Variants in RAB11FIP1 observed in about 807,000 individuals in gnomAD.
The protein encoded by RAB11FIP1 is rab11 family-interacting protein 1.
Under a neutral mutation model 83.1 loss-of-function variants are expected in RAB11FIP1, and 49 were observed. That is an observed-to-expected ratio of 0.59 (90% CI 0.47 to 0.75). The LOEUF is 0.75. Among genes scored for constraint, RAB11FIP1 ranks in the 30% least tolerant of loss-of-function variants. RAB11FIP1 has a pLI of 0.00. For synonymous variants in RAB11FIP1, 670 were observed against 656.0 expected, an observed-to-expected ratio of 1.02 and a Z score of -0.33; for missense variants, 1,536 against 1,598.7, an observed-to-expected ratio of 0.96 and a Z score of 0.67.
rs1164478325 is a variant in RAB11FIP1, at chr8:37,861,575, A to G, written c.*1320T>C. On this transcript the variant is annotated 3_prime_UTR_variant, in exon 6 of 6. Coordinates refer to ENST00000330843, the MANE Select transcript of RAB11FIP1 (RefSeq NM_001002814.3). ...TTCTTTTTAGTTTTTTTTAAGACAG[A>G]GTCTTAAAAAAATTGCCCAGGCTCT... 5 of 443,304 alleles carry G rather than the reference A, an allele frequency of 1.1e-5. No individual in the cohort carries two copies. The highest frequency in any genetic ancestry group is 4.3e-4 in the Middle Eastern group (1 of 2,350). The allele number at this position is 443,304 out of a possible 1,614,324, so 27.5% of individuals were successfully genotyped here. A position where few individuals can be genotyped will look rare whatever the true frequency, so the allele number is the denominator to read the frequency against.
intron 1 of RAB11FIP1, 103 bp from the exon 2 acceptor site, chr8:37,877,654 T>A: frequency 1.5e-6 from 1 of 688,914 alleles, no homozygotes; most frequent in Non-Finnish European, 2.5e-6. Context: ...CAGCAGCCTC[T>A]TCAATGCATG....
chr8:37,871,850 A>T lies in RAB11FIP1; in HGVS notation c.2952T>A (p.Asp984Glu). 6.2e-7 allele frequency: 1 copy of T among 1,613,938 alleles called. No homozygotes were observed. The highest frequency in any genetic ancestry group is 8.5e-7 in the Non-Finnish European group (1 of 1,179,978). Residue 984 changes from aspartate to glutamate, a missense_variant, in exon 4 of 6, where the codon GAT (aspartate) becomes GAA (glutamate). Physicochemically the swap from Asp to Glu is conservative, Grantham distance 45. Coordinates refer to ENST00000330843, the MANE Select transcript of RAB11FIP1 (RefSeq NM_001002814.3). The stretch of plus-strand genomic sequence containing the variant: ...TTGACGACTTTGCTGTCTCTCCATC[A>T]TCTTCAACCTGATCTCCGTCATCTT... ...QVEDDGDQVE[D>E]DGETAKSSTL...
In RAB11FIP1 at chr8:37,876,704, G is replaced by A. The variant is rs558290769; in HGVS notation, c.814+405C>T. 2.1e-4 allele frequency among the ~76,000 whole-genome samples: 31 copies of A among 151,178 alleles called. 1 individual carries two copies. In the South Asian group the frequency reaches 6.1e-3, roughly 30 times the overall value. ...CACCCAGGCTGGAGTGCAGTGGCACGATCACAGCTTACTGCAGCCTCTACT... is the reference window on the plus strand; with the variant it reads ...CACCCAGGCTGGAGTGCAGTGGCACAATCACAGCTTACTGCAGCCTCTACT... On this transcript the variant is annotated intron_variant, in intron 2 of 5. Transcript: ENST00000330843.
chr8:37,883,413 G>T (rs1053040362), intron 1 of RAB11FIP1, among the ~76,000 whole-genome samples: 1 of 152,068 alleles, frequency 6.6e-6, no homozygotes, highest in African/African-American at 2.4e-5. Flanking sequence ...CAGGTGATCC[G>T]CCTGCCTCAG....
At chr8:37,875,512 C>T (rs902466459) in intron 2 of RAB11FIP1, among the ~76,000 whole-genome samples, 190 bp from the exon 3 acceptor site, 13 of 152,096 alleles carry the variant, frequency 8.5e-5, no homozygotes, top group South Asian at 4.1e-4. Flanking sequence ...CAGCCCCCCA[C>T]GACAAAGGCC....
chr8:37,871,951 T>A lies in RAB11FIP1; in HGVS notation c.2851A>T (p.Ile951Phe), dbSNP rs756794766. The A allele has an allele frequency of 6.2e-7, 1 of 1,614,192 alleles. No homozygotes were observed. Among genetic ancestry groups the A allele is most frequent in the Non-Finnish European group, 8.5e-7 (1 of 1,180,020 alleles). The change falls in exon 4 of 6, where the codon ATC (isoleucine) becomes TTC (phenylalanine). Residue 951 changes from isoleucine (I) to phenylalanine (F), a missense_variant. Ile to Phe is a conservative substitution (Grantham distance 21). Transcript: ENST00000330843. ...AGGCTTAAGTTCAGATCGGCCATGATTGGAGATTTAAAATCTGAGACCAAC... is the reference window on the plus strand; with the variant it reads ...AGGCTTAAGTTCAGATCGGCCATGAATGGAGATTTAAAATCTGAGACCAAC... Reference protein sequence around the residue: ...LQLVSDFKSPIMADLNLSLPS... With the variant: ...LQLVSDFKSPFMADLNLSLPS...
chr8:37,869,777 G>C (rs1806413561), intron 5 of RAB11FIP1, among the ~76,000 whole-genome samples: 2 of 152,326 alleles, frequency 1.3e-5, no homozygotes, highest in East Asian at 3.9e-4. Flanking sequence ...AGGAAGCAGA[G>C]AGGATGAGAC....
At chr8:37,882,095 C>A (rs1489055986) in intron 1 of RAB11FIP1, among the ~76,000 whole-genome samples, 1 of 152,178 alleles carries the variant, frequency 6.6e-6, no homozygotes, top group Non-Finnish European at 1.5e-5. Flanking sequence ...TTCACCTCCC[C>A]GCCCAGGGCA....
rs1241598236 is a variant in RAB11FIP1 at position 37,872,041 on chromosome 8, T to A, written c.2761A>T (p.Thr921Ser). The A allele has an allele frequency of 2.5e-6, 4 of 1,613,920 alleles. No individual in the cohort carries two copies. The highest frequency in any genetic ancestry group is 2.2e-5 in the South Asian group (2 of 91,080). Residue 921 changes from threonine (T) to serine (S), a missense_variant, in exon 4 of 6, where the codon ACT (threonine) becomes TCT (serine). By Grantham distance (58) the Thr-to-Ser change is moderately conservative. Transcript: ENST00000330843. ...FRMEGEDALV[T>S]QYQSKASDHE... ...TCACTGGCTTTGCTCTGATACTGAGTCACAAGGGCATCCTCTCCCTCCATC... is the reference window on the plus strand; with the variant it reads ...TCACTGGCTTTGCTCTGATACTGAGACACAAGGGCATCCTCTCCCTCCATC...
intron 1 of RAB11FIP1, among the ~76,000 whole-genome samples, chr8:37,892,519 G>A (rs1806969311): frequency 1.3e-5 from 2 of 151,724 alleles, no homozygotes; most frequent in Non-Finnish European, 2.9e-5. Flanking sequence ...CAATGGCGCA[G>A]TCTCAGCTCA....
chr8:37,871,998 G>GAC lies in RAB11FIP1; in HGVS notation c.2802_2803dup (p.Ser935CysfsTer5). On this transcript the variant is annotated frameshift_variant, in exon 4 of 6. Coordinates refer to ENST00000330843, the MANE Select transcript of RAB11FIP1 (RefSeq NM_001002814.3). LOFTEE classifies it high-confidence loss of function. ...CAACTGAAGGTCACTCAAGGGGTCA[G>GAC]ACAATAAACCTTCGTGGTCACTGGC... The GAC allele has an allele frequency of 6.2e-7, 1 of 1,614,182 alleles. No homozygotes were observed. The highest frequency in any genetic ancestry group is 8.5e-7 in the Non-Finnish European group (1 of 1,180,036).
At chr8:37,869,855 G>A (rs1475673408) in intron 5 of RAB11FIP1, among the ~76,000 whole-genome samples, 1 of 152,124 alleles carries the variant, frequency 6.6e-6, no homozygotes, top group Non-Finnish European at 1.5e-5. Flanking sequence ...GGAGCTCTTT[G>A]TACTGTTCCT....
intron 1 of RAB11FIP1, chr8:37,877,904 G>C (rs1000295767): frequency 1.2e-5 from 2 of 170,270 alleles, no homozygotes; most frequent in Non-Finnish European, 2.5e-5. Context: ...ATTTTTAGTA[G>C]AGATGGGGTT....
chr8:37,873,904 A>T (rs1806543511), intron 3 of RAB11FIP1, among the ~76,000 whole-genome samples: 1 of 151,836 alleles, frequency 6.6e-6, no homozygotes, highest in Admixed American at 6.6e-5. Flanking sequence ...TGTCAAAGTA[A>T]GCAGAATCTC....
chr8:37,875,505 C>T (rs1463639063), intron 2 of RAB11FIP1, among the ~76,000 whole-genome samples, 183 bp from the exon 3 acceptor site: 1 of 152,102 alleles, frequency 6.6e-6, no homozygotes, highest in Non-Finnish European at 1.5e-5. Context: ...TATAGCACAG[C>T]CCCCCACGAC....
chr8:37,873,182 G>T lies in RAB11FIP1; in HGVS notation c.1623-3C>A. 1 of 1,568,090 alleles carries T rather than the reference G, an allele frequency of 6.4e-7. No homozygotes were observed. The highest frequency in any genetic ancestry group is 8.6e-7 in the Non-Finnish European group (1 of 1,164,608). ...GCGCCTCTGGAGACACTTCCAGTCT[G>T]CAAAAAGGACAAAATAAAATCTGCA... is the stretch of plus-strand genomic sequence containing the variant. On this transcript the variant is annotated splice_polypyrimidine_tract_variant and splice_region_variant and intron_variant, in intron 3 of 5. Transcript: ENST00000330843.
intron 3 of RAB11FIP1, among the ~76,000 whole-genome samples, chr8:37,874,101 A>G (rs1806548205): frequency 6.6e-6 from 1 of 152,206 alleles, no homozygotes; most frequent in Non-Finnish European, 1.5e-5. Context: ...CATACCAGAA[A>G]CCAATGCCAA....
intron 5 of RAB11FIP1, among the ~76,000 whole-genome samples, chr8:37,863,902 C>A (rs907626075): frequency 6.6e-6 from 1 of 152,110 alleles, no homozygotes; most frequent in Non-Finnish European, 1.5e-5. Flanking sequence ...GACTCCCAAG[C>A]CAGAGGGGGC....
chr8:37,890,869 C>T (rs1323956092), intron 1 of RAB11FIP1, among the ~76,000 whole-genome samples: 2 of 152,100 alleles, frequency 1.3e-5, no homozygotes, highest in African/African-American at 4.8e-5. Context: ...TTTCATACTT[C>T]GGACATCCCC....
Sources: gnomAD v4.1 joint callset for allele counts (sites outside exome capture counted in the v4.1 genomes callset) on GRCh38, gnomAD v4.1.1 for gene constraint, MANE v1.5 for transcripts, NCBI Gene and HGNC (gene_info 2026-07-23, HGNC 2026-07-21) for gene names.